The following PACRG variants were observed in gnomAD, a reference collection of about 807,000 sequenced individuals.
The protein encoded by PACRG is parkin coregulated.
PACRG carries 29 observed loss-of-function variants against 29.7 expected under a neutral mutation model. The observed-to-expected ratio is 0.98, with a 90% CI of 0.73 to 1.33. The LOEUF (loss-of-function observed/expected upper bound fraction) is 1.33. Ranked by LOEUF, PACRG falls within the 40% of genes most tolerant of loss-of-function variation. The probability of loss-of-function intolerance (pLI) is 0.00; values close to 1 mark genes in which losing one functional copy is unlikely to be tolerated. For synonymous variants in PACRG, 116 were observed against 118.7 expected (o/e 0.98, Z 0.15); for missense variants, 279 against 316.2 (o/e 0.88, Z 0.89).
chr6:163,131,053 A>G (rs992828811), intron 4 of PACRG, among the ~76,000 whole-genome samples: 9 of 152,290 alleles, frequency 5.9e-5, no homozygotes, highest in Admixed American at 5.2e-4. Flanking sequence ...CAAGCCTGTA[A>G]TCCCAGCACT....
At chr6:162,871,201 T>C (rs182514136) in intron 2 of PACRG, among the ~76,000 whole-genome samples, 1 of 152,210 alleles carries the variant, frequency 6.6e-6, no homozygotes, top group African/African-American at 2.4e-5. Context: ...AATAAAAGTA[T>C]GCAATCATAC....
chr6:162,772,423 A>G (rs1270281785), intron 1 of PACRG, among the ~76,000 whole-genome samples: 1 of 152,232 alleles, frequency 6.6e-6, no homozygotes, highest in Non-Finnish European at 1.5e-5. Flanking sequence ...GACCAAAGCA[A>G]ACAAAAGTTT....
At chr6:162,930,740 C>T (rs944176826) in intron 2 of PACRG, among the ~76,000 whole-genome samples, 5 of 151,646 alleles carry the variant, frequency 3.3e-5, no homozygotes, top group African/African-American at 1.2e-4. Flanking sequence ...CATATGTGGC[C>T]TTTGTTATTT....
chr6:162,916,143 G>A (rs1376139831), intron 2 of PACRG, among the ~76,000 whole-genome samples: 1 of 151,926 alleles, frequency 6.6e-6, no homozygotes, highest in Admixed American at 6.6e-5. Flanking sequence ...ATTCTTGAAG[G>A]ATATTTTCAT....
chr6:162,915,471 G>A (rs1584747300), intron 2 of PACRG, among the ~76,000 whole-genome samples: 1 of 151,902 alleles, frequency 6.6e-6, no homozygotes, highest in African/African-American at 2.4e-5. Context: ...GCCATTTTTG[G>A]TCTATAGACT....
intron 2 of PACRG, among the ~76,000 whole-genome samples, chr6:163,021,257 C>G (rs1399050515): frequency 6.6e-6 from 1 of 152,238 alleles, no homozygotes; most frequent in African/African-American, 2.4e-5. Context: ...ACTCTGCCTG[C>G]CCCTCCTAGA....
rs184944292 is a variant in PACRG, at chr6:163,121,752, G to A, written c.613+32344G>A. Among the ~76,000 whole-genome samples, 931 of 143,042 alleles carry A rather than the reference G, an allele frequency of 6.5e-3. 4 individuals carry two copies. The highest frequency in any genetic ancestry group is 0.023 in the African/African-American group (879 of 38,242). 93.8% of individuals were successfully genotyped at this position (143,042 alleles called of 152,430 possible). On this transcript the variant is annotated intron_variant, in intron 4 of 4. Transcript: ENST00000366888. ...ACGATCTCAGCTCACTGCAAGCTCC[G>A]CCTCCTGGGTTCACACCATTCTGCC... is the stretch of plus-strand genomic sequence containing the variant.
chr6:163,097,394 T>C (rs143304376), intron 4 of PACRG, among the ~76,000 whole-genome samples: 1 of 152,332 alleles, frequency 6.6e-6, no homozygotes, highest in African/African-American at 2.4e-5. Flanking sequence ...AAATGTGGTA[T>C]ATCAAGAATG....
At position 162,884,396 on chromosome 6, in the gene PACRG, G is replaced by A. The variant is rs138637720; in HGVS notation, c.291+70115G>A. ...GCAGTTCAAATTTGTGTTGTTCAAG[G>A]GTCCACTGTCTGCATAAAAATACAT... On this transcript the variant is annotated intron_variant, in intron 2 of 4. Coordinates refer to ENST00000366888, the MANE Select transcript of PACRG (RefSeq NM_001080379.2). 9.7e-3 allele frequency among the ~76,000 whole-genome samples: 1,481 copies of A among 152,096 alleles called. 22 individuals carry two copies. The highest frequency in any genetic ancestry group is 0.033 in the African/African-American group (1,365 of 41,456).
At chr6:163,232,880 C>T (rs1159356648) in intron 4 of PACRG, among the ~76,000 whole-genome samples, 1 of 152,162 alleles carries the variant, frequency 6.6e-6, no homozygotes, top group South Asian at 2.1e-4. Context: ...TCCACCCCTC[C>T]TCCAGGAGCC....
chr6:162,727,320 A>AGGGGCGGCGGCGGGGCGACGGTGT, upstream of PACRG: 1 of 359,780 alleles, frequency 2.8e-6, no homozygotes, highest in East Asian at 5.4e-5. Context: ...GGCGAAGGTG[A>AGGGGCGGCGGCGGGGCGACGGTGT]GGGGCGGCGG....
chr6:163,290,438 T>A (rs1784562026), intron 4 of PACRG, among the ~76,000 whole-genome samples: 1 of 152,136 alleles, frequency 6.6e-6, no homozygotes, highest in African/African-American at 2.4e-5. Context: ...CTAAAAAGTA[T>A]TGCTGCCCCT....
Position 162,787,580 on chromosome 6 carries a change from GTGTATATATA to G in PACRG, c.157-26565_157-26556del, listed in dbSNP as rs1470548976. ...TTATTGTGTGTGTGTGTGTGTGTGTGTGTATATATATATATATATATATATATATATATAT... is the reference window on the plus strand; with the variant it reads ...TTATTGTGTGTGTGTGTGTGTGTGTGTATATATATATATATATATATATAT... On this transcript the variant is annotated intron_variant, in intron 1 of 4. Coordinates refer to ENST00000366888, the MANE Select transcript of PACRG (RefSeq NM_001080379.2). 5.3e-4 allele frequency among the ~76,000 whole-genome samples: 37 copies of G among 69,170 alleles called. 2 individuals carry two copies. The highest frequency in any genetic ancestry group is 2.9e-3 in the Admixed American group (18 of 6,114). 45.4% of individuals were successfully genotyped at this position (69,170 alleles called of 152,430 possible).
Position 163,252,137 on chromosome 6 carries a change from A to G in PACRG, c.614-62690A>G, listed in dbSNP as rs1043590519. Among the ~76,000 whole-genome samples, 35 of 152,188 alleles carry G rather than the reference A, an allele frequency of 2.3e-4. 1 individual carries two copies. The highest frequency in any genetic ancestry group is 2.0e-3 in the Admixed American group (31 of 15,284). ...ACGTGCGTTTCCTGCCTGCCTCACAATTACCCCACAAGACGGGTGCACTGC... is the reference window on the plus strand; with the variant it reads ...ACGTGCGTTTCCTGCCTGCCTCACAGTTACCCCACAAGACGGGTGCACTGC... On this transcript the variant is annotated intron_variant, in intron 4 of 4. Coordinates refer to ENST00000366888, the MANE Select transcript of PACRG (RefSeq NM_001080379.2).
chr6:163,057,145 A>G (rs1445644281), intron 2 of PACRG, among the ~76,000 whole-genome samples: 3 of 152,200 alleles, frequency 2.0e-5, no homozygotes, highest in Non-Finnish European at 4.4e-5. Context: ...AGAGCCAACT[A>G]AAAGTATCAT....
intron 4 of PACRG, among the ~76,000 whole-genome samples, chr6:163,268,326 T>C (rs977648435): frequency 6.7e-5 from 10 of 150,234 alleles, no homozygotes; most frequent in Admixed American, 3.4e-4. Flanking sequence ...GGCGTGAACC[T>C]GGGAGGCAGA....
At position 163,254,717 on chromosome 6, in the gene PACRG, G is replaced by T. The variant is rs376716661; in HGVS notation, c.614-60110G>T. 4.7e-4 allele frequency among the ~76,000 whole-genome samples: 71 copies of T among 152,318 alleles called. 2 individuals are homozygous for T. In the South Asian group the frequency reaches 0.014, roughly 30 times the overall value. ...GGACCCCTGCCCGTGCAGCAGGGCA[G>T]AACCATTGCCACTCTGCCCAGAAGG... On this transcript the variant is annotated intron_variant, in intron 4 of 4. Transcript: ENST00000366888.
intron 4 of PACRG, chr6:163,189,761 A>G (rs1780116869): frequency 6.6e-6 from 1 of 152,256 alleles, no homozygotes; most frequent in African/African-American, 2.4e-5. Flanking sequence ...ATCAGCATCA[A>G]CAGGCAGTCA....
intron 2 of PACRG, among the ~76,000 whole-genome samples, chr6:162,962,044 A>T (rs1017760480): frequency 6.6e-6 from 1 of 151,844 alleles, no homozygotes; most frequent in East Asian, 1.9e-4. Flanking sequence ...TTTTTTCTCT[A>T]GTGTGTGTGA....
Sources: allele counts gnomAD v4.1 joint callset (sites outside exome capture counted in the v4.1 genomes callset), GRCh38; gene constraint gnomAD v4.1.1; transcripts MANE v1.5; gene names NCBI Gene and HGNC (gene_info 2026-07-23, HGNC 2026-07-21).